The following SNTG1 variants were observed in gnomAD, a reference collection of about 807,000 sequenced individuals.
SNTG1 encodes gamma-1-syntrophin.
In SNTG1, 39 loss-of-function variants were observed where a neutral mutation model predicts 74.7. The ratio of observed to expected loss-of-function variants is 0.52; its 90% CI spans 0.40 to 0.68. SNTG1 has a LOEUF of 0.68. Among genes scored for constraint, SNTG1 ranks in the 30% least tolerant of loss-of-function variants. SNTG1 has a pLI of 0.00. For missense variants in SNTG1, 685 were observed against 609.5 expected (o/e 1.12, Z -1.30); for synonymous variants, 254 against 217.1 (o/e 1.17, Z -1.49).
At chr8:49,934,166 C>A (rs1373932344) in intron 1 of SNTG1, among the ~76,000 whole-genome samples, 2 of 152,032 alleles carry the variant, frequency 1.3e-5, no homozygotes, top group South Asian at 4.1e-4. Context: ...ATTCTCTAGT[C>A]TTTATAAGGT....
At chr8:50,042,035 C>T (rs1212569170) in intron 1 of SNTG1, among the ~76,000 whole-genome samples, 1 of 152,160 alleles carries the variant, frequency 6.6e-6, no homozygotes, top group South Asian at 2.1e-4. Flanking sequence ...ATTCAACACC[C>T]TGATAAACCA....
intron 1 of SNTG1, among the ~76,000 whole-genome samples, chr8:50,070,523 T>C (rs114320559): frequency 1.2e-3 from 177 of 152,302 alleles, no homozygotes; most frequent in African/African-American, 4.1e-3. Flanking sequence ...ACCTGTGAAT[T>C]ACTGGTCAGG....
intron 1 of SNTG1, among the ~76,000 whole-genome samples, chr8:49,968,379 T>C (rs1189752796): frequency 6.6e-6 from 1 of 152,176 alleles, no homozygotes; most frequent in Non-Finnish European, 1.5e-5. Context: ...CTTTTGATTC[T>C]TGTGACTTGA....
At position 50,321,981 on chromosome 8, in the gene SNTG1, C is replaced by T. The variant is rs148063426; in HGVS notation, c.-27-72231C>T. 4.0e-3 allele frequency among the ~76,000 whole-genome samples: 605 copies of T among 152,188 alleles called. 5 individuals carry two copies. The highest frequency in any genetic ancestry group is 0.014 in the African/African-American group (567 of 41,544). ...AAGAGTAGTTTATACATCAAAATTACAGTGTTATAATATTCTTTATTTTCT... is the reference window on the plus strand; with the variant it reads ...AAGAGTAGTTTATACATCAAAATTATAGTGTTATAATATTCTTTATTTTCT... On this transcript the variant is annotated intron_variant, in intron 2 of 18. Transcript: ENST00000642720.
chr8:50,509,426 A>G (rs2094043648), intron 9 of SNTG1, among the ~76,000 whole-genome samples: 1 of 152,182 alleles, frequency 6.6e-6, no homozygotes, highest in Non-Finnish European at 1.5e-5. Context: ...CATGAACTTT[A>G]AAGTAGTTTT....
intron 1 of SNTG1, among the ~76,000 whole-genome samples, chr8:50,009,054 A>AT (rs1241137195): frequency 6.6e-6 from 1 of 151,996 alleles, no homozygotes; most frequent in African/African-American, 2.4e-5. Context: ...AAGTTAATTT[A>AT]TTTTTTATTG....
chr8:50,224,145 T>C (rs1232664601), intron 2 of SNTG1, among the ~76,000 whole-genome samples: 2 of 152,138 alleles, frequency 1.3e-5, no homozygotes, highest in African/African-American at 4.8e-5. Context: ...TAAAAACATA[T>C]AAAGTGAATA....
At chr8:50,089,085 C>T (rs1445468605) in intron 1 of SNTG1, among the ~76,000 whole-genome samples, 2 of 151,090 alleles carry the variant, frequency 1.3e-5, no homozygotes, top group Admixed American at 1.3e-4. Flanking sequence ...AGAACAGAGC[C>T]CTCAGAAATA....
chr8:49,997,152 T>G (rs79740764), intron 1 of SNTG1, among the ~76,000 whole-genome samples: 204 of 152,236 alleles, frequency 1.3e-3, no homozygotes, highest in African/African-American at 4.7e-3. Flanking sequence ...TCTGTCTAAA[T>G]GAACACTGAG....
intron 2 of SNTG1, among the ~76,000 whole-genome samples, chr8:50,207,216 A>G (rs951581656): frequency 6.6e-6 from 1 of 151,994 alleles, no homozygotes; most frequent in African/African-American, 2.4e-5. Context: ...TTGGTTGGTA[A>G]GCTATTAATT....
chr8:50,243,688 AT>A (rs34315710), intron 2 of SNTG1, among the ~76,000 whole-genome samples: 7 of 150,472 alleles, frequency 4.7e-5, no homozygotes, highest in African/African-American at 7.3e-5. Context: ...TAATTAATTA[AT>A]TTTTTTTTTA....
intron 2 of SNTG1, among the ~76,000 whole-genome samples, chr8:50,291,358 G>A (rs1052470229): frequency 6.6e-6 from 1 of 151,124 alleles, no homozygotes; most frequent in African/African-American, 2.4e-5. Context: ...TTTTTAAAGA[G>A]TGATAGGGAA....
chr8:49,985,889 T>C (rs140898353), intron 1 of SNTG1, among the ~76,000 whole-genome samples: 2 of 152,318 alleles, frequency 1.3e-5, no homozygotes, highest in African/African-American at 4.8e-5. Flanking sequence ...ATATGACCTT[T>C]ATATTTTATA....
intron 1 of SNTG1, among the ~76,000 whole-genome samples, chr8:49,972,577 G>A (rs895090396): frequency 2.6e-5 from 4 of 151,824 alleles, no homozygotes; most frequent in African/African-American, 9.7e-5. Context: ...GAGTGAACAG[G>A]CAACCTACAG....
chr8:50,286,177 G>C (rs1374429064), intron 2 of SNTG1, among the ~76,000 whole-genome samples: 1 of 152,144 alleles, frequency 6.6e-6, no homozygotes, highest in Non-Finnish European at 1.5e-5. Flanking sequence ...GAGGGCAGTA[G>C]TGTTCAGAGA....
At chr8:50,110,238 C>T (rs1683007003) in intron 1 of SNTG1, among the ~76,000 whole-genome samples, 1 of 152,138 alleles carries the variant, frequency 6.6e-6, no homozygotes, top group African/African-American at 2.4e-5. Context: ...ACATTGCTTT[C>T]CATCTAGGTG....
chr8:49,977,414 A>G (rs1298326704), intron 1 of SNTG1, among the ~76,000 whole-genome samples: 5 of 152,194 alleles, frequency 3.3e-5, no homozygotes, highest in Non-Finnish European at 5.9e-5. Context: ...AGAGTGCTCC[A>G]TCCCAGAGAC....
At chr8:50,213,717 T>C (rs1233843362) in intron 2 of SNTG1, among the ~76,000 whole-genome samples, 1 of 151,938 alleles carries the variant, frequency 6.6e-6, no homozygotes, top group Non-Finnish European at 1.5e-5. Context: ...TTTGGCTGCA[T>C]AAATGTCTTC....
intron 1 of SNTG1, among the ~76,000 whole-genome samples, chr8:50,036,211 T>C (rs1818147669): frequency 6.6e-6 from 1 of 152,148 alleles, no homozygotes; most frequent in Non-Finnish European, 1.5e-5. Flanking sequence ...TTATCTCTCT[T>C]AAACACACAC....
Sources: allele counts gnomAD v4.1 joint callset (sites outside exome capture counted in the v4.1 genomes callset), GRCh38; gene constraint gnomAD v4.1.1; transcripts MANE v1.5; gene names NCBI Gene and HGNC (gene_info 2026-07-23, HGNC 2026-07-21).